The following EEFSEC variants were observed in gnomAD, a reference collection of about 807,000 sequenced individuals.
EEFSEC encodes the protein selenocysteine-specific elongation factor.
EEFSEC carries 43 observed loss-of-function variants against 42.1 expected under a neutral mutation model. The observed-to-expected ratio is 1.02, with a 90% confidence interval of 0.80 to 1.32. The LOEUF (loss-of-function observed/expected upper bound fraction) is 1.32, where lower values mean the gene tolerates loss of function less well. EEFSEC is among the 40% of genes most tolerant of loss of function. EEFSEC has a pLI of 0.00. For missense variants in EEFSEC, 745 were observed against 803.6 expected (o/e 0.93, Z 0.88); for synonymous variants, 354 against 339.1 (o/e 1.04, Z -0.48).
At chr3:128,320,163 T>A (rs1037816791) in intron 4 of EEFSEC, among the ~76,000 whole-genome samples, 3 of 152,256 alleles carry the variant, frequency 2.0e-5, no homozygotes, top group Non-Finnish European at 4.4e-5. Flanking sequence ...AAGCCTAAAC[T>A]GCTTACTGTC....
At chr3:128,362,366 CAGCTCT>C in intron 6 of EEFSEC, 1 of 452,228 alleles carries the variant, frequency 2.2e-6, no homozygotes. Context: ...TTCCTAATGA[CAGCTCT>C]GAGTCACTGG....
chr3:128,409,976 G>C (rs2068162746), downstream of EEFSEC, among the ~76,000 whole-genome samples: 1 of 152,194 alleles, frequency 6.6e-6, no homozygotes, highest in Non-Finnish European at 1.5e-5. Context: ...CTAGCCTGCT[G>C]GTCCCCCAGG....
chr3:128,154,157 CA>C (rs1944321491), intron 1 of EEFSEC, among the ~76,000 whole-genome samples: 1 of 151,188 alleles, frequency 6.6e-6, no homozygotes, highest in South Asian at 2.1e-4. Context: ...TCACAAGCTA[CA>C]AAAAGGGTAT....
the EEFSEC span, among the ~76,000 whole-genome samples, chr3:128,414,703 G>A: frequency 3.3e-5 from 5 of 152,114 alleles, no homozygotes; most frequent in Non-Finnish European, 5.9e-5. Flanking sequence ...ACCTCATAGC[G>A]TAACTAACTT....
chr3:128,334,778 T>C (rs542495192), intron 4 of EEFSEC, among the ~76,000 whole-genome samples: 1 of 152,316 alleles, frequency 6.6e-6, no homozygotes, highest in African/African-American at 2.4e-5. Context: ...ATGGGAAGGA[T>C]GTGAGGGAGA....
intron 1 of EEFSEC, among the ~76,000 whole-genome samples, chr3:128,154,878 A>T (rs559836314): frequency 1.1e-4 from 16 of 152,232 alleles, no homozygotes; most frequent in Non-Finnish European, 2.4e-4. Context: ...GTAGGATAAT[A>T]GATAATAACT....
rs751391009 is a variant in EEFSEC at position 128,408,189 on chromosome 3, A to G, written c.1721A>G (p.His574Arg). Residue 574 changes from histidine to arginine, a missense_variant, in exon 7 of 7, where the codon CAT (histidine) becomes CGT (arginine). Transcript: ENST00000254730. ...GCCGAGCGGAGCGAGCCCTCACAGC[A>G]TGTGGTGCTCAGCCTGACTTTCAAG... ...ESAERSEPSQ[H>R]VVLSLTFKRY... 2 of 1,612,794 alleles carry G rather than the reference A, an allele frequency of 1.2e-6. No homozygotes were observed. Among genetic ancestry groups the G allele is most frequent in the African/African-American group, 1.3e-5 (1 of 75,002 alleles).
downstream of EEFSEC, among the ~76,000 whole-genome samples, chr3:128,411,553 G>A (rs2068173889): frequency 1.3e-5 from 2 of 152,192 alleles, no homozygotes; most frequent in South Asian, 2.1e-4. Flanking sequence ...GGGTGGGGTG[G>A]GGCATGGGGC....
At position 128,247,950 on chromosome 3, in the gene EEFSEC, C is replaced by A. The variant is rs113536294; in HGVS notation, c.524+907C>A. Among the ~76,000 whole-genome samples the A allele has an allele frequency of 2.0e-3, 305 of 152,212 alleles. 1 individual carries two copies. The highest frequency in any genetic ancestry group is 7.0e-3 in the African/African-American group (291 of 41,518). ...TCCACAGCCCTGGTGAAGCAATTCGCCTGGATCACAGTAAGTGTGGAAGAA... is the reference window on the plus strand; with the variant it reads ...TCCACAGCCCTGGTGAAGCAATTCGACTGGATCACAGTAAGTGTGGAAGAA... On this transcript the variant is annotated intron_variant, in intron 2 of 6. Transcript: ENST00000254730.
intron 1 of EEFSEC, among the ~76,000 whole-genome samples, chr3:128,232,204 G>T (rs2065965651): frequency 1.3e-5 from 2 of 152,138 alleles, no homozygotes; most frequent in South Asian, 4.1e-4. Context: ...AGTTGGGCAG[G>T]GGGTGGGGGG....
intron 4 of EEFSEC, among the ~76,000 whole-genome samples, chr3:128,325,114 C>A (rs2067050063): frequency 6.6e-6 from 1 of 152,234 alleles, no homozygotes; most frequent in African/African-American, 2.4e-5. Flanking sequence ...GATGCATCAT[C>A]CCAGAGTGGA....
intron 1 of EEFSEC, among the ~76,000 whole-genome samples, chr3:128,169,631 C>A (rs1284296426): frequency 2.0e-5 from 3 of 152,138 alleles, no homozygotes; most frequent in Non-Finnish European, 4.4e-5. Flanking sequence ...GCAGGCAATC[C>A]TGGCAGAAAG....
intron 1 of EEFSEC, among the ~76,000 whole-genome samples, chr3:128,199,767 T>A: frequency 6.6e-6 from 1 of 152,170 alleles, no homozygotes; most frequent in East Asian, 1.9e-4. Context: ...GGGGTCTCAC[T>A]CTGTTGCCCA....
intron 1 of EEFSEC, among the ~76,000 whole-genome samples, chr3:128,180,007 C>G (rs1057364064): frequency 6.6e-6 from 1 of 152,110 alleles, no homozygotes; most frequent in Non-Finnish European, 1.5e-5. Context: ...CACTAAAACA[C>G]AGAGGAGGGA....
chr3:128,380,678 G>A (rs2067765100), intron 6 of EEFSEC, among the ~76,000 whole-genome samples: 1 of 152,226 alleles, frequency 6.6e-6, no homozygotes, highest in Admixed American at 6.5e-5. Flanking sequence ...TTGCTGTTCT[G>A]GTCAGCGGTT....
the EEFSEC span, among the ~76,000 whole-genome samples, chr3:128,420,307 T>A: frequency 6.6e-6 from 1 of 152,232 alleles, no homozygotes; most frequent in East Asian, 1.9e-4. Flanking sequence ...AAGGTTTTCT[T>A]CCAAGATGAA....
intron 4 of EEFSEC, among the ~76,000 whole-genome samples, chr3:128,328,770 C>T (rs1273509762): frequency 1.3e-5 from 2 of 152,298 alleles, no homozygotes; most frequent in East Asian, 3.9e-4. Flanking sequence ...CCCACAGCAC[C>T]GTGCCAGGTG....
intron 4 of EEFSEC, among the ~76,000 whole-genome samples, chr3:128,285,675 C>G (rs947210498): frequency 1.3e-5 from 2 of 152,272 alleles, no homozygotes; most frequent in East Asian, 1.9e-4. Context: ...TTTCCTCCCT[C>G]GCACAGCCAT....
At chr3:128,343,203 G>A (rs769045908) in intron 5 of EEFSEC, among the ~76,000 whole-genome samples, 11 of 152,248 alleles carry the variant, frequency 7.2e-5, no homozygotes, top group East Asian at 1.9e-4. Context: ...GGCTTCCATC[G>A]CCCACCCTCC....
Sources: allele counts gnomAD v4.1 joint callset (sites outside exome capture counted in the v4.1 genomes callset), GRCh38; gene constraint gnomAD v4.1.1; transcripts MANE v1.5; gene names NCBI Gene and HGNC (gene_info 2026-07-23, HGNC 2026-07-21).